The following NELL1 variants were observed in gnomAD, a reference collection of about 807,000 sequenced individuals.
NELL1 encodes protein kinase C-binding protein NELL1.
Under a neutral mutation model 107.4 loss-of-function variants are expected in NELL1, and 76 were observed. The ratio of observed to expected loss-of-function variants is 0.71; its 90% CI spans 0.59 to 0.86. The LOEUF (loss-of-function observed/expected upper bound fraction) is 0.86. NELL1 is among the 40% of genes least tolerant of loss of function. The pLI, the probability that NELL1 is intolerant of heterozygous loss-of-function variation, is 0.00. For synonymous variants in NELL1, 353 were observed against 341.2 expected, an observed-to-expected ratio of 1.03 and a Z score of -0.38; for missense variants, 1,024 against 1,005.5, an observed-to-expected ratio of 1.02 and a Z score of -0.25.
Position 21,328,721 on chromosome 11 carries a change from A to C in NELL1, c.1550-42132A>C, listed in dbSNP as rs150708516. Among the ~76,000 whole-genome samples, 17 of 152,302 alleles carry C rather than the reference A, an allele frequency of 1.1e-4. No individual in the cohort carries two copies. The East Asian group carries it at 2.3e-3, about 21-fold the overall frequency. ...AAAGCCACAGAGGCAGAGCTGCCCA[A>C]GACTATGGGAGCCCACCTCTTGCAT... On this transcript the variant is annotated intron_variant, in intron 14 of 19. Coordinates refer to ENST00000357134, the MANE Select transcript of NELL1 (RefSeq NM_006157.5).
At chr11:21,503,737 C>G (rs959704765) in intron 15 of NELL1, among the ~76,000 whole-genome samples, 1 of 152,120 alleles carries the variant, frequency 6.6e-6, no homozygotes, top group Non-Finnish European at 1.5e-5. Flanking sequence ...GTCAGCAAGA[C>G]CCTGCAAATA....
intron 13 of NELL1, among the ~76,000 whole-genome samples, chr11:21,211,662 G>A (rs1290729305): frequency 2.6e-5 from 4 of 152,218 alleles, no homozygotes; most frequent in South Asian, 2.1e-4. Context: ...TTGGATAAGC[G>A]GAATGGCAAT....
chr11:21,113,610 A>G lies in NELL1; in HGVS notation c.1322A>G (p.Lys441Arg), dbSNP rs150989670. Reference protein sequence around the residue: ...YCEDIDECAAKMHYCHANTVC... With the variant: ...YCEDIDECAARMHYCHANTVC... ...TCAGATATTGATGAGTGTGCAGCTAAGATGCATTACTGTCATGCCAATACT... is the reference window on the plus strand; with the variant it reads ...TCAGATATTGATGAGTGTGCAGCTAGGATGCATTACTGTCATGCCAATACT... The change falls in exon 13 of 20, where the codon AAG becomes AGG. Residue 441 changes from lysine (K) to arginine (R), a missense_variant. Physicochemically the swap from Lys to Arg is conservative, Grantham distance 26 (BLOSUM62 2). Coordinates refer to ENST00000357134, the MANE Select transcript of NELL1 (RefSeq NM_006157.5). 2 of 1,611,880 alleles carry G rather than the reference A, an allele frequency of 1.2e-6. No individual in the cohort carries two copies. Among genetic ancestry groups the G allele is most frequent in the Non-Finnish European group, 1.7e-6 (2 of 1,178,618 alleles).
chr11:21,482,185 G>A (rs149461367), intron 15 of NELL1, among the ~76,000 whole-genome samples: 46 of 152,340 alleles, frequency 3.0e-4, no homozygotes, highest in African/African-American at 1.1e-3. Context: ...GGAATGCTTT[G>A]CATAAGGCAT....
chr11:20,892,888 C>T (rs1249513233), intron 5 of NELL1, among the ~76,000 whole-genome samples: 3 of 146,382 alleles, frequency 2.0e-5, no homozygotes, highest in African/African-American at 5.1e-5. Context: ...GAGATTGTGC[C>T]ATTGTACTCC....
intron 14 of NELL1, among the ~76,000 whole-genome samples, chr11:21,302,764 G>A (rs1849521382): frequency 6.6e-6 from 1 of 151,848 alleles, no homozygotes; most frequent in African/African-American, 2.4e-5. Context: ...AAAACAAAAA[G>A]GAGAATGGGG....
At position 20,945,918 on chromosome 11, in the gene NELL1, A is replaced by G. The variant is rs572210302; in HGVS notation, c.1072-1418A>G. Among the ~76,000 whole-genome samples the G allele has an allele frequency of 2.6e-5, 4 of 152,318 alleles. No homozygotes were observed. In the East Asian group the frequency reaches 5.8e-4, roughly 22 times the overall value. ...GTAAGATAGTCAGGAGAAAGTTAAG[A>G]GTTACCTTGGGAAAGATTGGGAATA... On this transcript the variant is annotated intron_variant, in intron 10 of 19. Coordinates refer to ENST00000357134, the MANE Select transcript of NELL1 (RefSeq NM_006157.5).
intron 12 of NELL1, among the ~76,000 whole-genome samples, chr11:21,108,001 C>T (rs982996379): frequency 1.3e-5 from 2 of 152,262 alleles, no homozygotes; most frequent in Non-Finnish European, 2.9e-5. Context: ...GCACTCTACA[C>T]GTAGTATCCG....
chr11:21,498,351 A>G (rs535556617), intron 15 of NELL1, among the ~76,000 whole-genome samples: 2 of 144,828 alleles, frequency 1.4e-5, no homozygotes, highest in African/African-American at 5.1e-5. Flanking sequence ...ATATATACAT[A>G]TATATATATA....
intron 9 of NELL1, 117 bp downstream of exon 9, chr11:20,928,596 A>T: frequency 1.3e-6 from 1 of 788,628 alleles, no homozygotes; most frequent in Non-Finnish European, 2.1e-6. Flanking sequence ...TTGGCAGTTG[A>T]TGTAACATTA....
At chr11:21,515,529 C>A (rs1278990394) in intron 15 of NELL1, among the ~76,000 whole-genome samples, 1 of 152,130 alleles carries the variant, frequency 6.6e-6, no homozygotes, top group African/African-American at 2.4e-5. Flanking sequence ...AGGCAGAAGA[C>A]CCCATCTGGA....
intron 7 of NELL1, among the ~76,000 whole-genome samples, chr11:20,923,634 A>G (rs766726104): frequency 2.1e-4 from 32 of 152,134 alleles, no homozygotes; most frequent in Non-Finnish European, 3.5e-4. Context: ...ACTGCACTGT[A>G]ATCCCATTCT....
At chr11:21,336,495 CA>C (rs1450371959) in intron 14 of NELL1, among the ~76,000 whole-genome samples, 2 of 151,874 alleles carry the variant, frequency 1.3e-5, no homozygotes, top group Admixed American at 1.3e-4. Context: ...CTGGTTTTCT[CA>C]AAATTATCTG....
At chr11:20,756,855 G>A (rs764617191) in intron 2 of NELL1, among the ~76,000 whole-genome samples, 3 of 152,102 alleles carry the variant, frequency 2.0e-5, no homozygotes, top group South Asian at 2.1e-4. Flanking sequence ...AGTGGAGCTC[G>A]TATTCAGTTC....
rs571346228 is a variant in NELL1 at position 21,177,084 on chromosome 11, G to A, written c.1427-52248G>A. On this transcript the variant is annotated intron_variant, in intron 13 of 19. Transcript: ENST00000357134. ...TTAACATATCTATCATCTCGCATAC[G>A]TATCCCTTCTTTGTGGTGAGAACAA... 5.5e-4 allele frequency among the ~76,000 whole-genome samples: 83 copies of A among 151,688 alleles called. 2 individuals are homozygous for A. The highest frequency in any genetic ancestry group is 8.3e-4 in the South Asian group (4 of 4,814).
At chr11:20,756,653 A>G (rs925077201) in intron 2 of NELL1, among the ~76,000 whole-genome samples, 8 of 137,082 alleles carry the variant, frequency 5.8e-5, no homozygotes, top group East Asian at 4.4e-4. Context: ...GAGCCACCAC[A>G]CCAGGCCAGA....
chr11:21,556,172 C>G (rs532877247), intron 16 of NELL1, among the ~76,000 whole-genome samples: 1 of 151,962 alleles, frequency 6.6e-6, no homozygotes, highest in Non-Finnish European at 1.5e-5. Flanking sequence ...TAATGAACCC[C>G]CAAGCTCTGT....
At chr11:21,339,765 C>T (rs962385176) in intron 14 of NELL1, among the ~76,000 whole-genome samples, 11 of 152,190 alleles carry the variant, frequency 7.2e-5, no homozygotes, top group African/African-American at 2.7e-4. Flanking sequence ...TTTCTGGGCT[C>T]AAGTGCCAGG....
At chr11:20,946,371 A>G (rs1279936955) in intron 10 of NELL1, among the ~76,000 whole-genome samples, 1 of 152,040 alleles carries the variant, frequency 6.6e-6, no homozygotes, top group African/African-American at 2.4e-5. Flanking sequence ...AAAATAAGGA[A>G]CTCTCAGCAT....
Sources: allele counts gnomAD v4.1 joint callset (sites outside exome capture counted in the v4.1 genomes callset), GRCh38; gene constraint gnomAD v4.1.1; transcripts MANE v1.5; gene names NCBI Gene and HGNC (gene_info 2026-07-23, HGNC 2026-07-21).